The following LAMP1 variants were observed in gnomAD, a reference collection of about 807,000 sequenced individuals.
The protein encoded by LAMP1 is lysosome-associated membrane glycoprotein 1.
A neutral mutation model predicts 37.5 loss-of-function variants in LAMP1; 7 were observed. The ratio of observed to expected loss-of-function variants is 0.19; its 90% CI spans 0.11 to 0.35. The LOEUF is 0.35. LAMP1 is among the 10% of genes least tolerant of loss of function. The pLI is 1.00. For missense variants in LAMP1, 537 were observed against 552.8 expected, an observed-to-expected ratio of 0.97 and a Z score of 0.29; for synonymous variants, 236 against 229.1, an observed-to-expected ratio of 1.03 and a Z score of -0.27.
At position 113,309,749 on chromosome 13, in the gene LAMP1, G is replaced by A. The variant is rs1312058594; in HGVS notation, c.290G>A (p.Gly97Glu). The change falls in exon 3 of 9, where the codon GGA becomes GAA. Residue 97 changes from glycine (G) to glutamate (E), a missense_variant. Coordinates refer to ENST00000332556, the MANE Select transcript of LAMP1 (RefSeq NM_005561.4). Reference sequence around the variant, plus strand: ...AGTCTCGTGATTGCTTTTGGAAGAGGACATACACTCACTCTCAATTTCACG... The same window carrying A: ...AGTCTCGTGATTGCTTTTGGAAGAGAACATACACTCACTCTCAATTTCACG... The part of the protein sequence containing the change: ...DPSLVIAFGR[G>E]HTLTLNFTRN... The A allele has an allele frequency of 1.9e-6, 3 of 1,613,932 alleles. No homozygotes were observed. Among genetic ancestry groups the A allele is most frequent in the Non-Finnish European group, 2.5e-6 (3 of 1,179,970 alleles).
intron 2 of LAMP1, 89 bp downstream of exon 2, chr13:113,306,695 C>CGTCTG (rs2042600389): frequency 7.0e-7 from 1 of 1,430,738 alleles, no homozygotes; most frequent in Admixed American, 2.1e-5. Flanking sequence ...AAAATGGCCC[C>CGTCTG]ATCTGAACAT....
At chr13:113,302,311 A>T (rs569619943) in intron 1 of LAMP1, among the ~76,000 whole-genome samples, 1 of 151,922 alleles carries the variant, frequency 6.6e-6, no homozygotes, top group Non-Finnish European at 1.5e-5. Context: ...CAGCCTCCCG[A>T]GTAGCTGAGA....
At chr13:113,308,279 G>A (rs890946011) in intron 2 of LAMP1, among the ~76,000 whole-genome samples, 8 of 149,304 alleles carry the variant, frequency 5.4e-5, no homozygotes, top group Admixed American at 4.7e-4. Flanking sequence ...GCCTCCCAAA[G>A]TGCTGGGATT....
At chr13:113,301,953 C>T (rs2042577122) in intron 1 of LAMP1, among the ~76,000 whole-genome samples, 1 of 148,204 alleles carries the variant, frequency 6.7e-6, no homozygotes, top group Non-Finnish European at 1.5e-5. Context: ...AGCTCCGCCT[C>T]CCAGGTTCAC....
chr13:113,298,990 A>C (rs2042556757), intron 1 of LAMP1, among the ~76,000 whole-genome samples: 1 of 152,166 alleles, frequency 6.6e-6, no homozygotes, highest in Non-Finnish European at 1.5e-5. Flanking sequence ...AAATACAAAA[A>C]TTAGCTGGGC....
At chr13:113,301,645 ATATATATATATATATATATATATATAT>A (rs1338219512) in intron 1 of LAMP1, among the ~76,000 whole-genome samples, 32 of 772 alleles carry the variant, frequency 0.041, 2 homozygotes, top group South Asian at 0.22. Flanking sequence ...AAAAAAAAAA[ATATATATATATATATATATATATATAT>A]ATATATATAT....
intron 4 of LAMP1, among the ~76,000 whole-genome samples, chr13:113,318,285 G>C (rs1286177902): frequency 6.6e-6 from 1 of 152,212 alleles, no homozygotes; most frequent in African/African-American, 2.4e-5. Flanking sequence ...ATGAAGGTGG[G>C]AATTGGCCAC....
intron 4 of LAMP1, among the ~76,000 whole-genome samples, chr13:113,317,873 G>C (rs1456485579): frequency 2.0e-5 from 3 of 152,142 alleles, no homozygotes; most frequent in African/African-American, 7.2e-5. Context: ...AAACTTTGTG[G>C]AGATGGGGGT....
chr13:113,303,692 T>C (rs2042585105), intron 1 of LAMP1, among the ~76,000 whole-genome samples: 1 of 152,212 alleles, frequency 6.6e-6, no homozygotes, highest in Admixed American at 6.5e-5. Flanking sequence ...AACTCAAAAT[T>C]CCTGGGTCTC....
chr13:113,298,157 C>CGGT (rs1234698409), intron 1 of LAMP1, among the ~76,000 whole-genome samples: 5 of 152,182 alleles, frequency 3.3e-5, no homozygotes, highest in Admixed American at 3.3e-4. Flanking sequence ...CTCAGACTCA[C>CGGT]GGTGGCAATG....
chr13:113,300,893 A>G (rs1350788803), intron 1 of LAMP1, among the ~76,000 whole-genome samples: 1 of 152,212 alleles, frequency 6.6e-6, no homozygotes, highest in Non-Finnish European at 1.5e-5. Flanking sequence ...TGCGGTGGAA[A>G]GAATGAATTT....
chr13:113,311,718 T>A (rs927000524), intron 4 of LAMP1, among the ~76,000 whole-genome samples: 1 of 152,214 alleles, frequency 6.6e-6, no homozygotes, highest in African/African-American at 2.4e-5. Flanking sequence ...TACCTCTCAT[T>A]TTCTTTGCAT....
intron 4 of LAMP1, among the ~76,000 whole-genome samples, chr13:113,317,462 TTTTA>T (rs757462670): frequency 1.3e-5 from 2 of 152,198 alleles, no homozygotes; most frequent in Non-Finnish European, 2.9e-5. Context: ...CCTGATGATG[TTTTA>T]TTTGTGTTTC....
At position 113,322,402 on chromosome 13, in the gene LAMP1, C is replaced by T; in HGVS notation, c.1235C>T (p.Ala412Val). The change falls in exon 9 of 9, where the codon GCA (alanine) becomes GTA (valine). Residue 412 changes from alanine (A) to valine (V), a missense_variant. Transcript: ENST00000332556. ...AYLVGRKRSH[A>V]GYQTI ...CTCGTCGGCAGGAAGAGGAGTCACG[C>T]AGGCTACCAGACTATCTAGCCTGGT... The T allele has an allele frequency of 6.2e-7, 1 of 1,613,408 alleles. No individual in the cohort carries two copies. The highest frequency in any genetic ancestry group is 8.5e-7 in the Non-Finnish European group (1 of 1,179,620).
In LAMP1 at chr13:113,309,849, T is replaced by C. The variant is rs1304707636; in HGVS notation, c.390T>C (p.Asn130=). Residue 130 remains asparagine, a synonymous_variant, in exon 3 of 9, where the codon AAT becomes AAC. Transcript: ENST00000332556. ...TGTCAGACACACACCTTTTCCCCAA[T>C]GCGAGCTCCAAAGGTAAGAACCAAA... ...YNLSDTHLFP[N]ASSKEIKTVE... is the part of the protein sequence containing the mutation. 6.2e-7 allele frequency: 1 copy of C among 1,612,642 alleles called. No individual in the cohort carries two copies. The highest frequency in any genetic ancestry group is 1.7e-5 in the Admixed American group (1 of 59,998).
In LAMP1 at chr13:113,321,265, C is replaced by G; in HGVS notation, c.877-139C>G. The G allele has an allele frequency of 1.3e-6, 1 of 759,524 alleles. No homozygotes were observed. Among genetic ancestry groups the G allele is most frequent in the East Asian group, 2.5e-5 (1 of 40,030 alleles). The allele number at this position is 759,524 out of a possible 1,614,324, so 47.0% of individuals were successfully genotyped here. On this transcript the variant is annotated intron_variant, in intron 6 of 8. Transcript: ENST00000332556. The surrounding 1 kb of genome is among the most constrained non-coding windows in gnomAD (Gnocchi z 5.6). ...AGACAAGATCTTTTGCAGTTTTGTT[C>G]TAATACTAGAAATGTAGGAAGTCAG...
At chr13:113,318,884 C>A (rs535554720) in intron 4 of LAMP1, among the ~76,000 whole-genome samples, 12 of 152,374 alleles carry the variant, frequency 7.9e-5, no homozygotes, top group Admixed American at 2.6e-4. Flanking sequence ...TGGAGACTGC[C>A]TGACCCCTGT....
chr13:113,322,003 C>T, intron 8 of LAMP1: 1 of 586,788 alleles, frequency 1.7e-6, no homozygotes, highest in Non-Finnish European at 3.0e-6. Flanking sequence ...TTGAATACAA[C>T]ACTGTCATCT....
At chr13:113,318,166 G>C (rs1450078901) in intron 4 of LAMP1, among the ~76,000 whole-genome samples, 1 of 152,242 alleles carries the variant, frequency 6.6e-6, no homozygotes, top group African/African-American at 2.4e-5. Flanking sequence ...TGTCCAGAAG[G>C]GGCTTTTACA....
Sources: gnomAD v4.1 joint callset for allele counts (sites outside exome capture counted in the v4.1 genomes callset) on GRCh38, gnomAD v4.1.1 for gene constraint, Gnocchi (gnomAD v3.1) non-coding constraint, MANE v1.5 for transcripts, NCBI Gene and HGNC (gene_info 2026-07-23, HGNC 2026-07-21) for gene names.